USP32: variants seen among roughly 807,000 people sequenced by gnomAD.
The protein encoded by USP32 is ubiquitin carboxyl-terminal hydrolase 32.
A neutral mutation model predicts 204.8 loss-of-function variants in USP32; 59 were observed. The observed-to-expected ratio is 0.29, with a 90% CI of 0.23 to 0.36. The LOEUF is 0.36. Ranked by LOEUF, USP32 falls within the 10% of genes least tolerant of loss-of-function variation. The probability of loss-of-function intolerance (pLI) is 1.00; values close to 1 mark genes in which losing one functional copy is unlikely to be tolerated. For synonymous variants in USP32, 517 were observed against 678.4 expected, an observed-to-expected ratio of 0.76 and a Z score of 3.70; for missense variants, 1,160 against 1,946.4, an observed-to-expected ratio of 0.60 and a Z score of 7.60.
rs192145850 is a variant in USP32 at position 60,262,353 on chromosome 17, G to A, written c.990+3059C>T. 3.4e-3 allele frequency among the ~76,000 whole-genome samples: 518 copies of A among 152,166 alleles called. 4 individuals carry two copies. Among genetic ancestry groups the A allele is most frequent in the African/African-American group, 0.011 (452 of 41,524 alleles). On this transcript the variant is annotated intron_variant, in intron 9 of 33. Coordinates refer to ENST00000300896, the MANE Select transcript of USP32 (RefSeq NM_032582.4). ...ATTACAGATGCCCAACACCATGCCCGGCTAATTTTTGTATTTTTAGTAGAG... is the reference window on the plus strand; with the variant it reads ...ATTACAGATGCCCAACACCATGCCCAGCTAATTTTTGTATTTTTAGTAGAG...
intron 11 of USP32, chr17:60,249,851 CTTTT>C: frequency 2.1e-6 from 1 of 476,146 alleles, no homozygotes; most frequent in South Asian, 2.5e-5. Context: ...AATCACGATA[CTTTT>C]TTTTTTTAAC....
intron 1 of USP32, among the ~76,000 whole-genome samples, chr17:60,374,543 G>A (rs141053396): frequency 7.4e-4 from 113 of 152,102 alleles, no homozygotes; most frequent in African/African-American, 2.6e-3. Flanking sequence ...GACCACAGGC[G>A]TGTGCCTAAT....
At chr17:60,287,046 A>C (rs1007063987) in intron 5 of USP32, among the ~76,000 whole-genome samples, 4 of 152,180 alleles carry the variant, frequency 2.6e-5, no homozygotes, top group African/African-American at 9.7e-5. Context: ...GCTACTCAGG[A>C]GGCTGAGGCA....
rs549422796 is a variant in USP32, at chr17:60,371,736, C to T, written c.58+20146G>A. ...AAGACTGACAATATGAAGCACCAGT[C>T]CTGCAAGCTCCTTTCATGTAAGTAA... On this transcript the variant is annotated intron_variant, in intron 1 of 33. Transcript: ENST00000300896. 2.1e-3 allele frequency among the ~76,000 whole-genome samples: 318 copies of T among 152,198 alleles called. 1 individual carries two copies. The highest frequency in any genetic ancestry group is 3.1e-3 in the Admixed American group (48 of 15,278).
At chr17:60,345,449 C>T (rs369036607) in intron 2 of USP32, 32 bp downstream of exon 2, 46 of 1,610,162 alleles carry the variant, frequency 2.9e-5, no homozygotes, top group Non-Finnish European at 3.4e-6. Flanking sequence ...TGGATAACTA[C>T]CTCAAAGGAA....
At chr17:60,378,257 A>G (rs186802641) in intron 1 of USP32, among the ~76,000 whole-genome samples, 1 of 150,726 alleles carries the variant, frequency 6.6e-6, no homozygotes, top group Non-Finnish European at 1.5e-5. Context: ...TGTCACACCC[A>G]TTAGGATGGT....
chr17:60,382,995 C>T (rs1182495987), intron 1 of USP32, among the ~76,000 whole-genome samples: 1 of 151,988 alleles, frequency 6.6e-6, no homozygotes, highest in Non-Finnish European at 1.5e-5. Context: ...CTCCTGTAAT[C>T]CCAGCACTTT....
At chr17:60,235,669 A>G (rs1438785130) in intron 12 of USP32, among the ~76,000 whole-genome samples, 1 of 152,216 alleles carries the variant, frequency 6.6e-6, no homozygotes, top group East Asian at 1.9e-4. Context: ...ATTTTAATGG[A>G]AAAGGTAAAA....
Position 60,404,009 on chromosome 17 carries a change from C to T in USP32, c.106+18237G>A, listed in dbSNP as rs2089956640. On this transcript the variant is annotated intron_variant, in intron 1 of 3. Coordinates refer to the USP32 transcript ENST00000588898. Reference sequence around the variant, plus strand: ...GAGCCGCGATCACACCACTGCACTCCAGCCTGGGTGACAGGGCGAGACCCT... The same window carrying T: ...GAGCCGCGATCACACCACTGCACTCTAGCCTGGGTGACAGGGCGAGACCCT... 2.0e-5 allele frequency among the ~76,000 whole-genome samples: 3 copies of T among 149,806 alleles called. No homozygotes were observed. In the Admixed American group the frequency reaches 2.0e-4, roughly 10 times the overall value.
At chr17:60,257,401 T>C (rs1000112095) in intron 9 of USP32, among the ~76,000 whole-genome samples, 1 of 152,196 alleles carries the variant, frequency 6.6e-6, no homozygotes, top group African/African-American at 2.4e-5. Flanking sequence ...AAACTCTACT[T>C]AGCCATATTG....
chr17:60,374,587 T>C (rs1432704895), intron 1 of USP32, among the ~76,000 whole-genome samples: 1 of 152,126 alleles, frequency 6.6e-6, no homozygotes, highest in Non-Finnish European at 1.5e-5. Flanking sequence ...GTTTTCACCA[T>C]GTTGCCCAGG....
chr17:60,242,748 C>T (rs1235955974), intron 11 of USP32, among the ~76,000 whole-genome samples: 3 of 152,142 alleles, frequency 2.0e-5, no homozygotes, highest in African/African-American at 7.2e-5. Context: ...TTACTGATCT[C>T]TATGATTCTC....
chr17:60,256,230 G>A (rs1308216411), intron 9 of USP32, among the ~76,000 whole-genome samples: 1 of 151,656 alleles, frequency 6.6e-6, no homozygotes, highest in Non-Finnish European at 1.5e-5. Flanking sequence ...AGAGAAATAA[G>A]CTAAAGGGAA....
chr17:60,376,971 G>A lies in USP32; in HGVS notation c.58+14911C>T, dbSNP rs1448141937. Among the ~76,000 whole-genome samples the A allele has an allele frequency of 3.9e-5, 6 of 152,084 alleles. No individual in the cohort carries two copies. The South Asian group carries it at 6.2e-4, about 16-fold the overall frequency. On this transcript the variant is annotated intron_variant, in intron 1 of 33. Transcript: ENST00000300896. ...TATTAGATGAATGGCTGACAACATC[G>A]AATAAAAACGCACAAAGAACATTGT...
At chr17:60,311,809 G>C (rs1178625854) in intron 2 of USP32, among the ~76,000 whole-genome samples, 1 of 152,038 alleles carries the variant, frequency 6.6e-6, no homozygotes, top group East Asian at 1.9e-4. Context: ...TGGGCAACAA[G>C]AGCGAAATTC....
intron 2 of USP32, among the ~76,000 whole-genome samples, chr17:60,327,666 C>T (rs573527958): frequency 3.3e-5 from 5 of 152,326 alleles, no homozygotes; most frequent in African/African-American, 1.2e-4. Flanking sequence ...TGAGCGAAAG[C>T]CCCGCCCTCT....
chr17:60,287,704 C>T (rs1412816145), intron 5 of USP32, among the ~76,000 whole-genome samples: 1 of 152,080 alleles, frequency 6.6e-6, no homozygotes, highest in Non-Finnish European at 1.5e-5. Context: ...TAATTTGTTA[C>T]AGCAACCCTA....
chr17:60,216,926 A>G (rs1266919107), intron 16 of USP32, among the ~76,000 whole-genome samples: 2 of 152,066 alleles, frequency 1.3e-5, no homozygotes, highest in Admixed American at 6.5e-5. Context: ...GCAAGAAAGC[A>G]TATTTTTATA....
At chr17:60,182,089 T>C (rs2084126710) in intron 31 of USP32, among the ~76,000 whole-genome samples, 1 of 152,202 alleles carries the variant, frequency 6.6e-6, no homozygotes, top group Non-Finnish European at 1.5e-5. Context: ...TTTGTAAAAT[T>C]AGACAAAAAA....
Sources: gnomAD v4.1 joint callset for allele counts (sites outside exome capture counted in the v4.1 genomes callset) on GRCh38, gnomAD v4.1.1 for gene constraint, MANE v1.5 for transcripts, NCBI Gene and HGNC (gene_info 2026-07-23, HGNC 2026-07-21) for gene names.